Variants in GPATCH2 observed in about 807,000 individuals in gnomAD.
GPATCH2 encodes the protein G patch domain-containing protein 2.
GPATCH2 carries 51 observed loss-of-function variants against 58.0 expected under a neutral mutation model. The observed-to-expected ratio is 0.88, with a 90% CI of 0.70 to 1.11. The LOEUF is 1.11. GPATCH2 is among the 50% of genes most tolerant of loss of function. The pLI, the probability that GPATCH2 is intolerant of heterozygous loss-of-function variation, is 0.00. For missense variants in GPATCH2, 625 were observed against 652.2 expected, an observed-to-expected ratio of 0.96 and a Z score of 0.45; for synonymous variants, 222 against 218.5, an observed-to-expected ratio of 1.02 and a Z score of -0.14.
At chr1:217,582,241 A>C (rs1295391856) in intron 5 of GPATCH2, among the ~76,000 whole-genome samples, 1 of 152,142 alleles carries the variant, frequency 6.6e-6, no homozygotes, top group Non-Finnish European at 1.5e-5. Context: ...GAAAAGACAA[A>C]GTTGAAAAGT....
intron 5 of GPATCH2, among the ~76,000 whole-genome samples, chr1:217,584,364 T>TACAC (rs753018177): frequency 1.3e-3 from 155 of 121,120 alleles, no homozygotes; most frequent in South Asian, 2.2e-3. Context: ...TATATATATA[T>TACAC]ACACACACAC....
chr1:217,499,378 T>G (rs904243580), intron 6 of GPATCH2, among the ~76,000 whole-genome samples: 1 of 152,176 alleles, frequency 6.6e-6, no homozygotes, highest in Non-Finnish European at 1.5e-5. Context: ...TTAGCTTACT[T>G]GCATAAGGTG....
chr1:217,508,406 T>A (rs1662665188), intron 6 of GPATCH2, among the ~76,000 whole-genome samples: 1 of 152,196 alleles, frequency 6.6e-6, no homozygotes, highest in Non-Finnish European at 1.5e-5. Flanking sequence ...GTTACCCATG[T>A]GCATTTAAAA....
chr1:217,551,729 TATATCCATTAACACA>T (rs1348382241), intron 5 of GPATCH2, among the ~76,000 whole-genome samples: 3 of 152,170 alleles, frequency 2.0e-5, no homozygotes, highest in African/African-American at 4.8e-5. Context: ...TTAAGCAATT[TATATCCATTAACACA>T]ATAAAATGCT....
chr1:217,626,673 C>T (rs1042195675), intron 1 of GPATCH2, among the ~76,000 whole-genome samples: 3 of 152,068 alleles, frequency 2.0e-5, no homozygotes, highest in Non-Finnish European at 4.4e-5. Context: ...TCAAATAAGT[C>T]CTTATCTCAA....
At chr1:217,531,624 T>G (rs994027203) in intron 5 of GPATCH2, among the ~76,000 whole-genome samples, 2 of 152,176 alleles carry the variant, frequency 1.3e-5, no homozygotes, top group African/African-American at 4.8e-5. Flanking sequence ...TAAAGAGTGG[T>G]TCATAATTTT....
At chr1:217,484,826 T>C (rs899211994) in intron 8 of GPATCH2, among the ~76,000 whole-genome samples, 1 of 151,344 alleles carries the variant, frequency 6.6e-6, no homozygotes, top group Non-Finnish European at 1.5e-5. Context: ...TATATAGATA[T>C]ATATATTTAC....
intron 6 of GPATCH2, among the ~76,000 whole-genome samples, chr1:217,509,866 T>C (rs1334095172): frequency 6.6e-6 from 1 of 152,142 alleles, no homozygotes; most frequent in Non-Finnish European, 1.5e-5. Flanking sequence ...AATAATATGA[T>C]AAATACTGTA....
chr1:217,577,038 T>C (rs922866972), intron 5 of GPATCH2, among the ~76,000 whole-genome samples: 1 of 152,202 alleles, frequency 6.6e-6, no homozygotes, highest in Non-Finnish European at 1.5e-5. Context: ...CAATTTATAA[T>C]ATATTTGCTA....
intron 5 of GPATCH2, among the ~76,000 whole-genome samples, chr1:217,524,668 T>G (rs376352282): frequency 2.0e-5 from 3 of 151,162 alleles, no homozygotes; most frequent in Admixed American, 6.6e-5. Context: ...AGACCAGCCC[T>G]GCCAACACAG....
chr1:217,441,812 G>C (rs1017463777), intron 9 of GPATCH2, among the ~76,000 whole-genome samples: 3 of 152,206 alleles, frequency 2.0e-5, no homozygotes, highest in Non-Finnish European at 4.4e-5. Context: ...ATGCCGGTTA[G>C]AATGCTGAGC....
chr1:217,607,482 T>C (rs918334264), intron 5 of GPATCH2, among the ~76,000 whole-genome samples: 8 of 152,252 alleles, frequency 5.3e-5, no homozygotes, highest in Admixed American at 1.3e-4. Flanking sequence ...ATGTGCCTTA[T>C]AGAGAAAAGA....
chr1:217,465,089 A>G (rs1023757432), intron 8 of GPATCH2, among the ~76,000 whole-genome samples: 3 of 152,024 alleles, frequency 2.0e-5, no homozygotes, highest in Non-Finnish European at 2.9e-5. Flanking sequence ...GGAAGCAATT[A>G]GAAATAAAAG....
chr1:217,543,796 T>A (rs1238850252), intron 5 of GPATCH2, among the ~76,000 whole-genome samples: 2 of 152,026 alleles, frequency 1.3e-5, no homozygotes, highest in Non-Finnish European at 2.9e-5. Context: ...TAAGAGGAAA[T>A]GACCAGTCCA....
At chr1:217,463,674 A>G (rs58888622) in intron 8 of GPATCH2, among the ~76,000 whole-genome samples, 1,719 of 136,886 alleles carry the variant, frequency 0.013, 28 homozygotes, top group African/African-American at 0.046. Context: ...AAAAAAAAAA[A>G]GGCAGGCATA....
chr1:217,489,499 T>A (rs1470534075), intron 8 of GPATCH2, among the ~76,000 whole-genome samples: 1 of 152,220 alleles, frequency 6.6e-6, no homozygotes, highest in African/African-American at 2.4e-5. Context: ...TGCTGTCCAT[T>A]ATTTTATTTT....
At chr1:217,483,483 A>AC (rs1440144015) in intron 8 of GPATCH2, among the ~76,000 whole-genome samples, 3 of 150,542 alleles carry the variant, frequency 2.0e-5, no homozygotes, top group African/African-American at 4.9e-5. Flanking sequence ...CTGTGCCTAG[A>AC]CCCCCCATTG....
Position 217,619,968 on chromosome 1 carries a change from A to C in GPATCH2, c.588T>G (p.Asp196Glu). The C allele has an allele frequency of 2.5e-6, 4 of 1,613,982 alleles. No homozygotes were observed. Among genetic ancestry groups the C allele is most frequent in the Non-Finnish European group, 3.4e-6 (4 of 1,179,978 alleles). Residue 196 changes from aspartate (D) to glutamate (E), a missense_variant, in exon 2 of 10, where the codon GAT (aspartate) becomes GAG (glutamate). Coordinates refer to ENST00000366935, the MANE Select transcript of GPATCH2 (RefSeq NM_018040.5). Reference protein sequence around the residue: ...EGCRDQDMDSDRAYQYQEFTK... With the variant: ...EGCRDQDMDSERAYQYQEFTK... ...TAAATTCTTGATACTGGTAGGCTCT[A>C]TCACTGTCCATGTCCTGATCTCTAC...
intron 5 of GPATCH2, among the ~76,000 whole-genome samples, chr1:217,605,729 A>AT (rs1173308363): frequency 6.6e-6 from 1 of 152,150 alleles, no homozygotes; most frequent in South Asian, 2.1e-4. Flanking sequence ...AAAAATACTG[A>AT]TTTTTTAGGA....
Sources: gnomAD v4.1 joint callset for allele counts (sites outside exome capture counted in the v4.1 genomes callset) on GRCh38, gnomAD v4.1.1 for gene constraint, MANE v1.5 for transcripts, NCBI Gene and HGNC (gene_info 2026-07-23, HGNC 2026-07-21) for gene names.